The following MCCC1 variants were observed in gnomAD, a reference collection of about 807,000 sequenced individuals.
The protein encoded by MCCC1 is methylcrotonoyl-CoA carboxylase subunit alpha, mitochondrial.
Under a neutral mutation model 83.8 loss-of-function variants are expected in MCCC1, and 64 were observed. The observed-to-expected ratio is 0.76, with a 90% CI of 0.62 to 0.94. The LOEUF (loss-of-function observed/expected upper bound fraction) is 0.94, where lower values mean the gene tolerates loss of function less well. Among genes scored for constraint, MCCC1 ranks in the 40% least tolerant of loss-of-function variants. MCCC1 has a pLI of 0.00. For synonymous variants in MCCC1, 322 were observed against 315.4 expected, an observed-to-expected ratio of 1.02 and a Z score of -0.22; for missense variants, 807 against 904.7, an observed-to-expected ratio of 0.89 and a Z score of 1.39.
upstream of MCCC1, among the ~76,000 whole-genome samples, chr3:183,102,431 A>C (rs944790392): frequency 6.6e-6 from 1 of 152,178 alleles, no homozygotes; most frequent in African/African-American, 2.4e-5. Flanking sequence ...ACTGTAAATA[A>C]GCAAGGTTTA....
intron 8 of MCCC1, among the ~76,000 whole-genome samples, chr3:183,054,723 C>A (rs978600184): frequency 3.3e-5 from 5 of 152,052 alleles, no homozygotes; most frequent in Non-Finnish European, 7.4e-5. Flanking sequence ...ACTGTCCCAC[C>A]CAGAGCAACT....
At chr3:183,070,906 T>G (rs1258926393) in intron 7 of MCCC1, 93 bp downstream of exon 7, 1 of 1,372,864 alleles carries the variant, frequency 7.3e-7, no homozygotes, top group African/African-American at 1.4e-5. Context: ...TATACTTATA[T>G]ACTACTACAG....
chr3:183,085,840 T>A (rs745768345), intron 4 of MCCC1, among the ~76,000 whole-genome samples: 21 of 151,984 alleles, frequency 1.4e-4, no homozygotes, highest in South Asian at 4.1e-4. Context: ...TAGGGAAACT[T>A]GAACAAGGAA....
At chr3:183,104,223 C>T (rs1367714599), upstream of MCCC1, among the ~76,000 whole-genome samples, 1 of 152,208 alleles carries the variant, frequency 6.6e-6, no homozygotes, top group East Asian at 1.9e-4. Flanking sequence ...AAGGGCTCCT[C>T]AAGTGCCGCC....
In MCCC1 at chr3:183,055,248, G is replaced by GA. The variant is rs138574888; in HGVS notation, c.873+2062dup. Reference sequence around the variant, plus strand: ...GAAACCCCGTCTCTACTAAAAAATAGAAAAAAAAAAAAAATTAGCCGGGTG... The same window carrying GA: ...GAAACCCCGTCTCTACTAAAAAATAGAAAAAAAAAAAAAAATTAGCCGGGTG... On this transcript the variant is annotated intron_variant, in intron 8 of 18. Coordinates refer to ENST00000265594, the MANE Select transcript of MCCC1 (RefSeq NM_020166.5). 4.8e-3 allele frequency among the ~76,000 whole-genome samples: 690 copies of GA among 142,540 alleles called. 3 individuals are homozygous for GA. The highest frequency in any genetic ancestry group is 0.017 in the African/African-American group (635 of 37,828). 93.5% of individuals were successfully genotyped at this position (142,540 alleles called of 152,430 possible).
At chr3:183,109,770 C>T (rs776766818) in intron 1 of MCCC1, among the ~76,000 whole-genome samples, 10 of 152,178 alleles carry the variant, frequency 6.6e-5, no homozygotes, top group Middle Eastern at 6.8e-3. Flanking sequence ...GGTATATATC[C>T]GATAATGGGA....
At chr3:183,103,939 G>C (rs555543246), upstream of MCCC1, among the ~76,000 whole-genome samples, 1 of 152,222 alleles carries the variant, frequency 6.6e-6, no homozygotes, top group African/African-American at 2.4e-5. Flanking sequence ...AGCGCCGGTG[G>C]GCCGGCACTG....
chr3:183,090,139 G>A (rs1227382164), intron 3 of MCCC1, among the ~76,000 whole-genome samples: 1 of 152,170 alleles, frequency 6.6e-6, no homozygotes, highest in East Asian at 1.9e-4. Context: ...TGGTAGATGG[G>A]TAGGGTCCAG....
At chr3:183,061,686 A>G (rs1421490746) in intron 7 of MCCC1, among the ~76,000 whole-genome samples, 1 of 152,236 alleles carries the variant, frequency 6.6e-6, no homozygotes, top group Non-Finnish European at 1.5e-5. Flanking sequence ...TTTAGAGTGA[A>G]GGCTTGCCCC....
intron 1 of MCCC1, among the ~76,000 whole-genome samples, chr3:183,114,378 C>T (rs1237158070): frequency 6.6e-6 from 1 of 152,044 alleles, no homozygotes; most frequent in Non-Finnish European, 1.5e-5. Flanking sequence ...AGCCGTCTCT[C>T]GGTCGCTGGC....
At chr3:183,027,889 G>A (rs1375797808) in intron 14 of MCCC1, among the ~76,000 whole-genome samples, 1 of 152,200 alleles carries the variant, frequency 6.6e-6, no homozygotes, top group Non-Finnish European at 1.5e-5. Flanking sequence ...AGCAGAAAGT[G>A]CTGACAGAGG....
intron 1 of MCCC1, among the ~76,000 whole-genome samples, chr3:183,112,924 T>A (rs963386942): frequency 5.2e-4 from 77 of 149,380 alleles, no homozygotes; most frequent in Middle Eastern, 3.5e-3. Context: ...TAAAAAAAAA[T>A]AAAAAATAAA....
chr3:183,094,739 G>A (rs1164972759), intron 1 of MCCC1, 134 bp from the exon 2 acceptor site: 8 of 840,856 alleles, frequency 9.5e-6, no homozygotes, highest in African/African-American at 6.8e-5. Context: ...TTTCTTAGTG[G>A]GTAGAAAACT....
upstream of MCCC1, among the ~76,000 whole-genome samples, chr3:183,103,892 C>A (rs1379578480): frequency 2.0e-5 from 3 of 152,192 alleles, no homozygotes; most frequent in Non-Finnish European, 4.4e-5. Context: ...CCCTGCCCCG[C>A]GGGGAGGCAG....
chr3:183,072,414 A>G lies in MCCC1; in HGVS notation c.443T>C (p.Ile148Thr), dbSNP rs1326003192. 1 of 1,614,006 alleles carries G rather than the reference A, an allele frequency of 6.2e-7. No homozygotes were observed. The highest frequency in any genetic ancestry group is 1.7e-5 in the Admixed American group (1 of 60,002). Residue 148 changes from isoleucine to threonine, a missense_variant, in exon 5 of 19, where the codon ATT becomes ACT. Ile to Thr is a moderately conservative substitution (Grantham distance 89). Coordinates refer to ENST00000265594, the MANE Select transcript of MCCC1 (RefSeq NM_020166.5). Reference sequence around the variant, plus strand: ...TGCAGATGGAGGAGGGCCTATAAAAATAATTCCTTCTTGCTTACAAAGTTC... The same window carrying G: ...TGCAGATGGAGGAGGGCCTATAAAAGTAATTCCTTCTTGCTTACAAAGTTC... ...FAELCKQEGI[I>T]FIGPPPSAIR...
intron 1 of MCCC1, among the ~76,000 whole-genome samples, chr3:183,094,909 G>T (rs1718629490): frequency 6.6e-6 from 1 of 152,082 alleles, no homozygotes; most frequent in African/African-American, 2.4e-5. Context: ...TAGCTTTTTT[G>T]AAACCTTTTT....
chr3:183,020,907 A>G (rs899471467), intron 16 of MCCC1, among the ~76,000 whole-genome samples: 11 of 151,972 alleles, frequency 7.2e-5, no homozygotes, highest in Non-Finnish European at 1.5e-4. Flanking sequence ...AAAAATACAA[A>G]AAATTAGCTG....
intron 16 of MCCC1, among the ~76,000 whole-genome samples, chr3:183,020,692 A>G (rs938062010): frequency 6.6e-6 from 1 of 152,056 alleles, no homozygotes; most frequent in Non-Finnish European, 1.5e-5. Context: ...TATGACCTTG[A>G]GCAAATTATT....
At chr3:183,066,824 C>T (rs755290282) in intron 7 of MCCC1, among the ~76,000 whole-genome samples, 2 of 152,200 alleles carry the variant, frequency 1.3e-5, no homozygotes, top group Non-Finnish European at 2.9e-5. Context: ...TAAAACATTG[C>T]TGATCCTCTG....
Sources: gnomAD v4.1 joint callset for allele counts (sites outside exome capture counted in the v4.1 genomes callset) on GRCh38, gnomAD v4.1.1 for gene constraint, MANE v1.5 for transcripts, NCBI Gene and HGNC (gene_info 2026-07-23, HGNC 2026-07-21) for gene names.